TRIM26: variants seen among roughly 807,000 people sequenced by gnomAD.
The protein encoded by TRIM26 is tripartite motif containing 26.
In TRIM26, 16 loss-of-function variants were observed where a neutral mutation model predicts 45.5. The ratio of observed to expected loss-of-function variants is 0.35; its 90% confidence interval spans 0.24 to 0.53. The LOEUF is 0.53. Ranked by LOEUF, TRIM26 falls within the 20% of genes least tolerant of loss-of-function variation. The probability of loss-of-function intolerance (pLI) is 0.92; values close to 1 mark genes in which losing one functional copy is unlikely to be tolerated. For synonymous variants in TRIM26, 273 were observed against 290.4 expected (o/e 0.94, Z 0.61); for missense variants, 442 against 691.1 (o/e 0.64, Z 4.04).
chr6:30,210,744 A>G (rs1778203770), intron 1 of TRIM26, among the ~76,000 whole-genome samples: 1 of 152,166 alleles, frequency 6.6e-6, no homozygotes, highest in South Asian at 2.1e-4. Context: ...TACCGTAATA[A>G]AAGTTATATG....
chr6:30,191,422 A>AG (rs1347365555), intron 6 of TRIM26, among the ~76,000 whole-genome samples: 11 of 137,054 alleles, frequency 8.0e-5, no homozygotes, highest in South Asian at 2.2e-4. Flanking sequence ...AAAAAAAAAA[A>AG]AGAGAGAGAG....
chr6:30,210,739 T>C (rs1358579512), intron 1 of TRIM26, among the ~76,000 whole-genome samples: 2 of 147,076 alleles, frequency 1.4e-5, no homozygotes, highest in Non-Finnish European at 3.0e-5. Flanking sequence ...CAATATACCG[T>C]AATAAAAGTT....
At chr6:30,205,496 G>A (rs1777634026) in intron 1 of TRIM26, among the ~76,000 whole-genome samples, 1 of 152,106 alleles carries the variant, frequency 6.6e-6, no homozygotes, top group African/African-American at 2.4e-5. Context: ...TCAAGATGTG[G>A]ATGCATGCAC....
In TRIM26 at chr6:30,209,244, G is replaced by A. The variant is rs866165797; in HGVS notation, c.-376+4061C>T. 2.0e-5 allele frequency among the ~76,000 whole-genome samples: 3 copies of A among 152,088 alleles called. No individual in the cohort carries two copies. The highest frequency in any genetic ancestry group is 4.4e-5 in the Non-Finnish European group (3 of 68,014). ...TTTTCATCAAATTTGAGACACCTGT[G>A]ACATCACATTTTAGCATCTCTGAAA... On this transcript the variant is annotated intron_variant, in intron 1 of 9. Transcript: ENST00000454678. This position sits in a 1 kb window ranked among gnomAD's most constrained non-coding sequence, Gnocchi z 4.8.
intron 5 of TRIM26, among the ~76,000 whole-genome samples, chr6:30,197,434 G>C (rs1295501296): frequency 6.6e-6 from 1 of 152,030 alleles, no homozygotes; most frequent in Non-Finnish European, 1.5e-5. Flanking sequence ...TAGGCCTAAT[G>C]ACTCACCACT....
intron 9 of TRIM26, chr6:30,187,279 A>C (rs1356382911): frequency 9.8e-6 from 3 of 306,446 alleles, no homozygotes; most frequent in Non-Finnish European, 1.4e-5. Flanking sequence ...ATCTTCCAAA[A>C]CTGACCCTGT....
chr6:30,197,367 G>A (rs1776599426), intron 5 of TRIM26, among the ~76,000 whole-genome samples: 1 of 152,128 alleles, frequency 6.6e-6, no homozygotes, highest in South Asian at 2.1e-4. Flanking sequence ...CATGCACACT[G>A]AGGGCCTGGA....
At chr6:30,208,515 CTTTTTTT>C (rs35809533) in intron 1 of TRIM26, among the ~76,000 whole-genome samples, 5 of 128,224 alleles carry the variant, frequency 3.9e-5, no homozygotes, top group East Asian at 2.2e-4. Flanking sequence ...AATTTTTTTC[CTTTTTTT>C]TTTTTTTTTT....
rs993283888 is a variant in TRIM26 at position 30,198,518 on chromosome 6, T to C, written c.445A>G (p.Ile149Val). The part of the protein sequence containing the change: ...EKAAQPHREK[I>V]LNHLSTLRRD... ...CTTAGGGTACTCAGGTGGTTCAGGATTTTTTCCTGTGGAAAAACAAGCAGT... is the reference window on the plus strand; with the variant it reads ...CTTAGGGTACTCAGGTGGTTCAGGACTTTTTCCTGTGGAAAAACAAGCAGT... The change falls in exon 5 of 10, where the codon ATC (isoleucine) becomes GTC (valine). Residue 149 changes from isoleucine (I) to valine (V), a missense_variant. Transcript: ENST00000454678. This position sits in a 1 kb window ranked among gnomAD's most constrained non-coding sequence, Gnocchi z 6.3. 1.6e-5 allele frequency: 25 copies of C among 1,612,684 alleles called. No individual in the cohort carries two copies. The highest frequency in any genetic ancestry group is 6.7e-5 in the East Asian group (3 of 44,896).
chr6:30,186,144 T>G lies in TRIM26; in HGVS notation c.1352A>C (p.Asp451Ala). The change falls in exon 10 of 10, where the codon GAC becomes GCC. Residue 451 changes from aspartate to alanine, a missense_variant. By Grantham distance (126) the Asp-to-Ala change is moderately radical (BLOSUM62 -2). Transcript: ENST00000454678. This position sits in a 1 kb window ranked among gnomAD's most constrained non-coding sequence, Gnocchi z 7.4. ...GCCATCCTCTGGCCGCAGGGAGAGG[T>G]CTCCCTTCCTCTTCACAGAGTCTCT... ...VARDSVKRKGDLSLRPEDGVW... is the reference protein window; with the variant it reads ...VARDSVKRKGALSLRPEDGVW... 6.3e-7 allele frequency: 1 copy of G among 1,592,018 alleles called. No homozygotes were observed. Among genetic ancestry groups the G allele is most frequent in the South Asian group, 1.1e-5 (1 of 88,216 alleles).
rs117405699 is a variant in TRIM26, at chr6:30,205,565, C to T, written c.-375-800G>A. Among the ~76,000 whole-genome samples the T allele has an allele frequency of 1.4e-3, 211 of 152,264 alleles. 3 individuals are homozygous for T. The East Asian group carries it at 0.039, about 28-fold the overall frequency. The stretch of plus-strand genomic sequence containing the variant: ...ACAAAAACTAGCTGAAAGCCGGGCA[C>T]GGGGGCTTGTGCCTGTAATTCCAGC... On this transcript the variant is annotated intron_variant, in intron 1 of 9. Transcript: ENST00000454678.
At chr6:30,206,699 T>C (rs1777763446) in intron 1 of TRIM26, among the ~76,000 whole-genome samples, 1 of 152,358 alleles carries the variant, frequency 6.6e-6, no homozygotes, top group African/African-American at 2.4e-5. Flanking sequence ...AGATTTGTAG[T>C]CTTCAAACTG....
At chr6:30,195,368 G>A (rs1401760289) in intron 6 of TRIM26, among the ~76,000 whole-genome samples, 1 of 152,140 alleles carries the variant, frequency 6.6e-6, no homozygotes, top group African/African-American at 2.4e-5. Flanking sequence ...AAAAGAGGGG[G>A]CCAGAGAGAC....
At chr6:30,192,887 T>C (rs969516552) in intron 6 of TRIM26, among the ~76,000 whole-genome samples, 1 of 151,876 alleles carries the variant, frequency 6.6e-6, no homozygotes, top group Non-Finnish European at 1.5e-5. Context: ...CCAGTTTTCC[T>C]AGCACCATTT....
At chr6:30,191,525 C>A (rs1035077961) in intron 6 of TRIM26, among the ~76,000 whole-genome samples, 1 of 149,380 alleles carries the variant, frequency 6.7e-6, no homozygotes, top group Non-Finnish European at 1.5e-5. Context: ...GTGAGTGATA[C>A]GCACCACGGG....
intron 1 of TRIM26, among the ~76,000 whole-genome samples, chr6:30,206,978 T>C (rs756156427): frequency 2.0e-5 from 3 of 152,168 alleles, no homozygotes; most frequent in African/African-American, 7.2e-5. Context: ...CATTCCACCA[T>C]ACACTGCACT....
chr6:30,189,784 A>G lies in TRIM26; in HGVS notation c.788+229T>C. On this transcript the variant is annotated intron_variant, in intron 7 of 9. Coordinates refer to ENST00000454678, the MANE Select transcript of TRIM26 (RefSeq NM_003449.5). The surrounding 1 kb of genome is among the most constrained non-coding windows in gnomAD (Gnocchi z 5.0). ...CTCTCTGCTCTGTCCCACCTCAAAT[A>G]AGGCCAGTGGGCCAAGGAGCTGGGG... The G allele has an allele frequency of 4.7e-6, 3 of 641,576 alleles. No individual in the cohort carries two copies. Among genetic ancestry groups the G allele is most frequent in the Non-Finnish European group, 5.4e-6 (2 of 373,420 alleles). The allele number at this position is 641,576 out of a possible 1,614,324, so 39.7% of individuals were successfully genotyped here.
At chr6:30,208,916 G>A in intron 1 of TRIM26, among the ~76,000 whole-genome samples, 1 of 136,076 alleles carries the variant, frequency 7.3e-6, no homozygotes, top group East Asian at 2.0e-4. Flanking sequence ...GTGTGTGTGT[G>A]TGTGTGTGTG....
chr6:30,185,670 G>GA lies in TRIM26; in HGVS notation c.*205dup, dbSNP rs1775080871. The GA allele has an allele frequency of 1.6e-6, 1 of 610,298 alleles. No individual in the cohort carries two copies. The highest frequency in any genetic ancestry group is 2.8e-6 in the Non-Finnish European group (1 of 357,868). 37.8% of individuals were successfully genotyped at this position (610,298 alleles called of 1,614,324 possible). On this transcript the variant is annotated 3_prime_UTR_variant, in exon 10 of 10. Transcript: ENST00000454678. The surrounding 1 kb of genome is among the most constrained non-coding windows in gnomAD (Gnocchi z 5.7). ...CCCTCGGGAAACCAGCAGGAGGTGG[G>GA]AAAAGAGCCCCATTAGGGCAGTAGA...
Sources: gnomAD v4.1 joint callset for allele counts (sites outside exome capture counted in the v4.1 genomes callset) on GRCh38, gnomAD v4.1.1 for gene constraint, Gnocchi (gnomAD v3.1) non-coding constraint, MANE v1.5 for transcripts, NCBI Gene and HGNC (gene_info 2026-07-23, HGNC 2026-07-21) for gene names.